Variants in ADGRB1 observed in about 807,000 individuals in gnomAD.
ADGRB1 encodes brain-specific angiogenesis inhibitor 1.
Under a neutral mutation model 175.7 loss-of-function variants are expected in ADGRB1, and 36 were observed. The ratio of observed to expected loss-of-function variants is 0.20; its 90% CI spans 0.16 to 0.27. The LOEUF is 0.27. Among genes scored for constraint, ADGRB1 ranks in the 10% least tolerant of loss-of-function variants. The probability of loss-of-function intolerance (pLI) is 1.00; values close to 1 mark genes in which losing one functional copy is unlikely to be tolerated. For missense variants in ADGRB1, 1,731 were observed against 2,255.3 expected, an observed-to-expected ratio of 0.77 and a Z score of 4.71; for synonymous variants, 1,054 against 979.4, an observed-to-expected ratio of 1.08 and a Z score of -1.42.
chr8:142,534,637 G>A (rs984398364), intron 25 of ADGRB1, among the ~76,000 whole-genome samples: 5 of 152,282 alleles, frequency 3.3e-5, no homozygotes, highest in East Asian at 3.9e-4. Flanking sequence ...ACCACCAGCC[G>A]GGCAGTGCTC....
chr8:142,542,341 T>C lies in ADGRB1; in HGVS notation c.4107T>C (p.Ile1369=). The change falls in exon 28 of 31, where the codon ATT becomes ATC. Residue 1369 remains isoleucine, a synonymous_variant. Coordinates refer to ENST00000517894, the MANE Select transcript of ADGRB1 (RefSeq NM_001702.3). The surrounding 1 kb of genome is among the most constrained non-coding windows in gnomAD (Gnocchi z 6.3). ...PKEEPKYSIH[I]DQMPQTRLIH... The stretch of plus-strand genomic sequence containing the variant: ...AGGAGCCCAAGTACAGCATCCACAT[T>C]GACCAGATGCCGCAGACCCGCCTCA... The C allele has an allele frequency of 6.2e-7, 1 of 1,603,282 alleles. No homozygotes were observed. The highest frequency in any genetic ancestry group is 8.5e-7 in the Non-Finnish European group (1 of 1,175,356).
intron 18 of ADGRB1, among the ~76,000 whole-genome samples, chr8:142,513,686 C>T (rs928667087): frequency 6.6e-6 from 1 of 152,154 alleles, no homozygotes; most frequent in African/African-American, 2.4e-5. Context: ...TTCTCCCCTC[C>T]TGAGTGTGGT....
At chr8:142,507,962 G>A (rs1842922458) in intron 17 of ADGRB1, among the ~76,000 whole-genome samples, 1 of 152,044 alleles carries the variant, frequency 6.6e-6, no homozygotes, top group South Asian at 2.1e-4. Context: ...CCCAGGCACG[G>A]GGATGGGCCC....
At chr8:142,463,082 G>C (rs951530634) in intron 1 of ADGRB1, among the ~76,000 whole-genome samples, 2 of 152,236 alleles carry the variant, frequency 1.3e-5, no homozygotes, top group African/African-American at 4.8e-5. Context: ...GTAAATTATG[G>C]ATTCTCTCTG....
intron 2 of ADGRB1, among the ~76,000 whole-genome samples, chr8:142,467,993 C>T (rs1375444178): frequency 1.3e-5 from 2 of 152,088 alleles, no homozygotes; most frequent in Non-Finnish European, 2.9e-5. Flanking sequence ...GAGGTGTGCA[C>T]GGAGATTCTG....
rs369010338 is a variant in ADGRB1, at chr8:142,537,099, G to A, written c.3666+17G>A. On this transcript the variant is annotated intron_variant, in intron 26 of 30. Transcript: ENST00000517894. This position sits in a 1 kb window ranked among gnomAD's most constrained non-coding sequence, Gnocchi z 4.6. ...CAGCTCATGGTAGGACTCAGGGCCC[G>A]GGGACTCAGGCTGCCCTACCTGCCT... The A allele has an allele frequency of 1.3e-3, 1,910 of 1,468,346 alleles. 3 individuals are homozygous for A. The highest frequency in any genetic ancestry group is 2.2e-3 in the Admixed American group (99 of 44,254). 91.0% of individuals were successfully genotyped at this position (1,468,346 alleles called of 1,614,324 possible). A position where few individuals can be genotyped will look rare whatever the true frequency, so the allele number is the denominator to read the frequency against.
At chr8:142,496,256 G>A (rs1241922716) in intron 17 of ADGRB1, among the ~76,000 whole-genome samples, 2 of 151,486 alleles carry the variant, frequency 1.3e-5, no homozygotes, top group Non-Finnish European at 2.9e-5. Flanking sequence ...GGGTGGATGG[G>A]TGAATAGATG....
intron 2 of ADGRB1, among the ~76,000 whole-genome samples, chr8:142,466,364 G>T (rs564627449): frequency 6.6e-6 from 1 of 152,358 alleles, no homozygotes; most frequent in South Asian, 2.1e-4. Flanking sequence ...GCTGGAGCAT[G>T]GTTCTACCCA....
At position 142,533,606 on chromosome 8, in the gene ADGRB1, G is replaced by A. The variant is rs572387745; in HGVS notation, c.3570+140G>A. Reference sequence around the variant, plus strand: ...TGACCCTGACACATCTGCAGGCCTCGGTGGTCCACAGAGCGGGGCCTGCAG... The same window carrying A: ...TGACCCTGACACATCTGCAGGCCTCAGTGGTCCACAGAGCGGGGCCTGCAG... On this transcript the variant is annotated intron_variant, in intron 25 of 30. Transcript: ENST00000517894. 20 of 1,041,058 alleles carry A rather than the reference G, an allele frequency of 1.9e-5. No individual in the cohort carries two copies. The Admixed American group carries it at 2.3e-4, about 12-fold the overall frequency. The allele number at this position is 1,041,058 out of a possible 1,614,324, so 64.5% of individuals were successfully genotyped here. A position where few individuals can be genotyped will look rare whatever the true frequency, so the allele number is the denominator to read the frequency against.
At chr8:142,460,478 C>T (rs916426064) in intron 1 of ADGRB1, among the ~76,000 whole-genome samples, 2 of 152,202 alleles carry the variant, frequency 1.3e-5, no homozygotes, top group Non-Finnish European at 1.5e-5. Context: ...CAGCTCAGTC[C>T]GAGATGTTCT....
rs111161541 is a variant in ADGRB1, at chr8:142,501,797, T to C, written c.2676-9135T>C. Among the ~76,000 whole-genome samples the C allele has an allele frequency of 4.3e-4, 25 of 57,624 alleles. 7 individuals carry two copies. Among genetic ancestry groups the C allele is most frequent in the East Asian group, 1.9e-3 (2 of 1,044 alleles). The allele number at this position is 57,624 out of a possible 152,430, so 37.8% of individuals were successfully genotyped here. A position where few individuals can be genotyped will look rare whatever the true frequency, so the allele number is the denominator to read the frequency against. Reference sequence around the variant, plus strand: ...GGTAGGGATGGCTGTGTGGTTTTGATGATGGAGGTGGGGTGGTGGTGGTGA... The same window carrying C: ...GGTAGGGATGGCTGTGTGGTTTTGACGATGGAGGTGGGGTGGTGGTGGTGA... On this transcript the variant is annotated intron_variant, in intron 17 of 30. Transcript: ENST00000517894.
chr8:142,509,967 C>T (rs748791189), intron 17 of ADGRB1, among the ~76,000 whole-genome samples: 2 of 152,160 alleles, frequency 1.3e-5, no homozygotes, highest in African/African-American at 4.8e-5. Flanking sequence ...AAGGCAGGCC[C>T]GGCTCCAGGG....
intron 25 of ADGRB1, 86 bp from the exon 26 acceptor site, chr8:142,536,901 C>T (rs895303817): frequency 8.5e-7 from 1 of 1,176,972 alleles, no homozygotes. Context: ...GACGCCCGCC[C>T]CCCCACAGGT....
At chr8:142,539,743 G>A (rs1845152133) in intron 27 of ADGRB1, 3 of 481,822 alleles carry the variant, frequency 6.2e-6, no homozygotes, top group Admixed American at 3.6e-5. Flanking sequence ...TTCCTCTGTC[G>A]TGGCCCCAGC....
Position 142,484,777 on chromosome 8 carries a change from G to T in ADGRB1, c.2308+13G>T. Reference sequence around the variant, plus strand: ...ACAGACAACCTGGGTAAGCCTGCCCGCCTGCTGCCACCCCCCATGCCTTGC... The same window carrying T: ...ACAGACAACCTGGGTAAGCCTGCCCTCCTGCTGCCACCCCCCATGCCTTGC... On this transcript the variant is annotated intron_variant, in intron 13 of 30. Coordinates refer to ENST00000517894, the MANE Select transcript of ADGRB1 (RefSeq NM_001702.3). 1.9e-6 allele frequency: 3 copies of T among 1,563,496 alleles called. No individual in the cohort carries two copies. The highest frequency in any genetic ancestry group is 1.7e-6 in the Non-Finnish European group (2 of 1,145,836).
chr8:142,485,155 C>A (rs879284511), intron 13 of ADGRB1, among the ~76,000 whole-genome samples: 1 of 152,228 alleles, frequency 6.6e-6, no homozygotes, highest in African/African-American at 2.4e-5. Flanking sequence ...CTGGACTCCA[C>A]CCAGCTCCGT....
intron 24 of ADGRB1, among the ~76,000 whole-genome samples, chr8:142,528,624 G>A (rs566517541): frequency 6.0e-5 from 9 of 151,230 alleles, no homozygotes; most frequent in Admixed American, 1.3e-4. Context: ...TGCCACCTCC[G>A]ACGCCACCAG....
rs1296694844 is a variant in ADGRB1, at chr8:142,541,930, G to C, written c.3707-11G>C. On this transcript the variant is annotated splice_polypyrimidine_tract_variant and intron_variant, in intron 27 of 30. Transcript: ENST00000517894. ...CACCTGTCCCCGCTGTCTCCCCCGC[G>C]GCCCCTGCAGTGCTGAACAAGGACA... 20 of 1,535,460 alleles carry C rather than the reference G, an allele frequency of 1.3e-5. No individual in the cohort carries two copies. Among genetic ancestry groups the C allele is most frequent in the Non-Finnish European group, 1.7e-5 (20 of 1,142,870 alleles).
intron 17 of ADGRB1, among the ~76,000 whole-genome samples, chr8:142,509,946 C>T (rs1842994253): frequency 6.6e-6 from 1 of 152,302 alleles, no homozygotes; most frequent in Non-Finnish European, 1.5e-5. Flanking sequence ...AGCCAAGCCC[C>T]AGCAGGCAGG....
Sources: gnomAD v4.1 joint callset for allele counts (sites outside exome capture counted in the v4.1 genomes callset) on GRCh38, gnomAD v4.1.1 for gene constraint, Gnocchi (gnomAD v3.1) non-coding constraint, MANE v1.5 for transcripts, NCBI Gene and HGNC (gene_info 2026-07-23, HGNC 2026-07-21) for gene names.